The following TENT5A variants were observed in gnomAD, a reference collection of about 807,000 sequenced individuals.
TENT5A encodes the protein terminal nucleotidyltransferase 5A, also known as HBV X-transactivated gene 11 protein.
A neutral mutation model predicts 30.2 loss-of-function variants in TENT5A; 9 were observed. The observed-to-expected ratio is 0.30, with a 90% confidence interval of 0.18 to 0.52. The LOEUF (loss-of-function observed/expected upper bound fraction) is 0.52, where lower values mean the gene tolerates loss of function less well. Among genes scored for constraint, TENT5A ranks in the 20% least tolerant of loss-of-function variants. The probability of loss-of-function intolerance (pLI) is 0.97; values close to 1 mark genes in which losing one functional copy is unlikely to be tolerated. For synonymous variants in TENT5A, 264 were observed against 234.2 expected (o/e 1.13, Z -1.16); for missense variants, 411 against 566.1 (o/e 0.73, Z 2.78).
chr6:81,748,411 C>T lies in TENT5A; in HGVS notation c.*1284G>A, dbSNP rs1320935504. On this transcript the variant is annotated 3_prime_UTR_variant, in exon 3 of 3. Coordinates refer to ENST00000320172, the MANE Select transcript of TENT5A (RefSeq NM_017633.3). The stretch of plus-strand genomic sequence containing the variant: ...GAAAAAAAAAAAAAGAAAAAAAAAT[C>T]CCACTAAAACAGTATAATTTCTGCT... 2 of 976,258 alleles carry T rather than the reference C, an allele frequency of 2.0e-6. No individual in the cohort carries two copies. Among genetic ancestry groups the T allele is most frequent in the Non-Finnish European group, 2.4e-6 (2 of 822,854 alleles). 60.5% of individuals were successfully genotyped at this position (976,258 alleles called of 1,614,324 possible). A position where few individuals can be genotyped will look rare whatever the true frequency, so the allele number is the denominator to read the frequency against.
chr6:81,752,360 C>T (rs928404644), intron 1 of TENT5A, 71 bp downstream of exon 1: 96 of 1,549,544 alleles, frequency 6.2e-5, no homozygotes, highest in Admixed American at 2.9e-4. Context: ...CCGCGCCCCG[C>T]AGAGCAGCCC....
rs1768870742 is a variant in TENT5A, at chr6:81,745,770, A to C, written c.*3925T>G. ...AACTTTTTTATTTACAAAAAAATCCAAATATTGGATGCTGTAAACAAAATT... is the reference window on the plus strand; with the variant it reads ...AACTTTTTTATTTACAAAAAAATCCCAATATTGGATGCTGTAAACAAAATT... On this transcript the variant is annotated 3_prime_UTR_variant, in exon 3 of 3. Transcript: ENST00000320172. 13 of 985,522 alleles carry C rather than the reference A, an allele frequency of 1.3e-5. No individual in the cohort carries two copies. The highest frequency in any genetic ancestry group is 1.6e-5 in the Non-Finnish European group (13 of 829,596). 61.0% of individuals were successfully genotyped at this position (985,522 alleles called of 1,614,324 possible). A position where few individuals can be genotyped will look rare whatever the true frequency, so the allele number is the denominator to read the frequency against.
In TENT5A at chr6:81,751,959, C is replaced by G; in HGVS notation, c.183G>C (p.Ala61=). The part of the protein sequence containing the change: ...HCLDYCESPT[A]HCNVLNWEQV... ...GCTCCCAGTTCAGCACATTGCAGTG[C>G]GCCGTAGGGCTTTCGCAATAGTCCA... The change falls in exon 2 of 3, where the codon GCG becomes GCC. Residue 61 remains alanine (A), a synonymous_variant. Coordinates refer to ENST00000320172, the MANE Select transcript of TENT5A (RefSeq NM_017633.3). The G allele has an allele frequency of 6.3e-7, 1 of 1,599,788 alleles. No individual in the cohort carries two copies.
Position 81,750,501 on chromosome 6 carries a change from C to T in TENT5A, c.553-30G>A. On this transcript the variant is annotated intron_variant, in intron 2 of 2. Transcript: ENST00000320172. The surrounding 1 kb of genome is among the most constrained non-coding windows in gnomAD (Gnocchi z 4.2). ...AATTTAAAAGATAAAACAAAATGAG[C>T]AAACCTAGAAAATAATAAATCAATA... The T allele has an allele frequency of 1.6e-6, 2 of 1,287,658 alleles. No homozygotes were observed. The highest frequency in any genetic ancestry group is 1.5e-5 in the South Asian group (1 of 66,672). The allele number at this position is 1,287,658 out of a possible 1,614,324, so 79.8% of individuals were successfully genotyped here.
rs1187611948 is a variant in TENT5A at position 81,751,762 on chromosome 6, T to C, written c.380A>G (p.His127Arg). ...CAGGCCGCTGTCCTGGTGCAGGACA[T>C]GGCTGGCTGCCGAGCCGTTGAGGCG... ...DVRLNGSAASHVLHQDSGLGY... is the reference protein window; with the variant it reads ...DVRLNGSAASRVLHQDSGLGY... The change falls in exon 2 of 3, where the codon CAT (histidine) becomes CGT (arginine). Residue 127 changes from histidine to arginine, a missense_variant. By Grantham distance (29) the His-to-Arg change is conservative (BLOSUM62 0). Transcript: ENST00000320172. 1 of 1,612,288 alleles carries C rather than the reference T, an allele frequency of 6.2e-7. No individual in the cohort carries two copies. Among genetic ancestry groups the C allele is most frequent in the East Asian group, 2.2e-5 (1 of 44,856 alleles).
In TENT5A at chr6:81,752,200, C is replaced by CGCGGTGAGGACGCGCGGCG. The variant is rs1411033545; in HGVS notation, c.-37-41_-37-23dup. 11 of 1,478,802 alleles carry CGCGGTGAGGACGCGCGGCG rather than the reference C, an allele frequency of 7.4e-6. No individual in the cohort carries two copies. In the East Asian group the frequency reaches 1.5e-4, roughly 20 times the overall value. 91.6% of individuals were successfully genotyped at this position (1,478,802 alleles called of 1,614,324 possible). On this transcript the variant is annotated intron_variant, in intron 1 of 2. Transcript: ENST00000320172. ...AGTCCTAAAAAGAAAGGGAAAGGAG[C>CGCGGTGAGGACGCGCGGCG]GCGGTGAGGACGCGCGGCGGCGGAG...
At position 81,752,515 on chromosome 6, in the gene TENT5A, T is replaced by G; in HGVS notation, c.-122A>C. On this transcript the variant is annotated 5_prime_UTR_variant, in exon 1 of 3. Coordinates refer to ENST00000320172, the MANE Select transcript of TENT5A (RefSeq NM_017633.3). ...ACACTTCCAGGAGCTGCGAGCGCGCTCAGACAGCAAATAGCGACTTCGTCT... is the reference window on the plus strand; with the variant it reads ...ACACTTCCAGGAGCTGCGAGCGCGCGCAGACAGCAAATAGCGACTTCGTCT... 2 of 1,410,314 alleles carry G rather than the reference T, an allele frequency of 1.4e-6. No homozygotes were observed. Among genetic ancestry groups the G allele is most frequent in the Non-Finnish European group, 9.8e-7 (1 of 1,019,774 alleles). The allele number at this position is 1,410,314 out of a possible 1,614,324, so 87.4% of individuals were successfully genotyped here. A position where few individuals can be genotyped will look rare whatever the true frequency, so the allele number is the denominator to read the frequency against.
rs954682722 is a variant in TENT5A, at chr6:81,747,268, G to C, written c.*2427C>G. 1.0e-6 allele frequency: 1 copy of C among 985,604 alleles called. No homozygotes were observed. Among genetic ancestry groups the C allele is most frequent in the African/African-American group, 1.7e-5 (1 of 57,224 alleles). The allele number at this position is 985,604 out of a possible 1,614,324, so 61.1% of individuals were successfully genotyped here. A position where few individuals can be genotyped will look rare whatever the true frequency, so the allele number is the denominator to read the frequency against. Reference sequence around the variant, plus strand: ...AAAACTTTGAAACAACTAAGCAGGCGGAGCTCTGGTTTCTGATAGGTGAGT... The same window carrying C: ...AAAACTTTGAAACAACTAAGCAGGCCGAGCTCTGGTTTCTGATAGGTGAGT... On this transcript the variant is annotated 3_prime_UTR_variant, in exon 3 of 3. Transcript: ENST00000320172.
chr6:81,749,798 G>C lies in TENT5A; in HGVS notation c.1226C>G (p.Pro409Arg). 2 of 1,613,986 alleles carry C rather than the reference G, an allele frequency of 1.2e-6. No individual in the cohort carries two copies. Among genetic ancestry groups the C allele is most frequent in the Non-Finnish European group, 8.5e-7 (1 of 1,179,984 alleles). The change falls in exon 3 of 3, where the codon CCC (proline) becomes CGC (arginine). Residue 409 changes from proline to arginine, a missense_variant. Transcript: ENST00000320172. ...ANVTCYYQPA[P>R]YVADANFSNY... The stretch of plus-strand genomic sequence containing the variant: ...GCTAAAGTTGGCATCTGCTACATAG[G>C]GGGCTGGCTGGTAATAGCAAGTGAC...
At position 81,751,572 on chromosome 6, in the gene TENT5A, C is replaced by T; in HGVS notation, c.552+18G>A. 1.3e-6 allele frequency: 2 copies of T among 1,582,004 alleles called. No individual in the cohort carries two copies. The highest frequency in any genetic ancestry group is 1.7e-6 in the Non-Finnish European group (2 of 1,161,320). On this transcript the variant is annotated intron_variant, in intron 2 of 2. Coordinates refer to ENST00000320172, the MANE Select transcript of TENT5A (RefSeq NM_017633.3). ...CCCAGACTGGGTCAGGACCCAAGTG[C>T]ATCTCGGGTGGTGTTACCTTGAGCG...
At position 81,747,778 on chromosome 6, in the gene TENT5A, T is replaced by G. The variant is rs1257874000; in HGVS notation, c.*1917A>C. On this transcript the variant is annotated 3_prime_UTR_variant, in exon 3 of 3. Transcript: ENST00000320172. ...TCTTATGTGTTAGTTTTGTTTTGTT[T>G]TTAACAAATGCATTTTCAGAGACCA... is the stretch of plus-strand genomic sequence containing the variant. 5.1e-6 allele frequency: 5 copies of G among 984,838 alleles called. No individual in the cohort carries two copies. Among genetic ancestry groups the G allele is most frequent in the Non-Finnish European group, 6.0e-6 (5 of 829,936 alleles). 61.0% of individuals were successfully genotyped at this position (984,838 alleles called of 1,614,324 possible).
At position 81,748,928 on chromosome 6, in the gene TENT5A, T is replaced by G; in HGVS notation, c.*767A>C. The stretch of plus-strand genomic sequence containing the variant: ...TATAATCTCTCTTCATATAGTCTAC[T>G]ATATCTCTTCTAATTGGGTATTTTT... On this transcript the variant is annotated 3_prime_UTR_variant, in exon 3 of 3. Coordinates refer to ENST00000320172, the MANE Select transcript of TENT5A (RefSeq NM_017633.3). The G allele has an allele frequency of 1.0e-6, 1 of 984,564 alleles. No individual in the cohort carries two copies. Among genetic ancestry groups the G allele is most frequent in the Non-Finnish European group, 1.2e-6 (1 of 828,756 alleles). 61.0% of individuals were successfully genotyped at this position (984,564 alleles called of 1,614,324 possible).
rs1322155053 is a variant in TENT5A, at chr6:81,747,498, G to C, written c.*2197C>G. On this transcript the variant is annotated 3_prime_UTR_variant, in exon 3 of 3. Transcript: ENST00000320172. ...GCAAACCCATCAGGTTCCCATTAAGGCTTCAAAGAAAGATGCACAAAAGGT... is the reference window on the plus strand; with the variant it reads ...GCAAACCCATCAGGTTCCCATTAAGCCTTCAAAGAAAGATGCACAAAAGGT... The C allele has an allele frequency of 1.0e-6, 1 of 985,806 alleles. No homozygotes were observed. The highest frequency in any genetic ancestry group is 1.2e-6 in the Non-Finnish European group (1 of 829,940). The allele number at this position is 985,806 out of a possible 1,614,324, so 61.1% of individuals were successfully genotyped here.
In TENT5A at chr6:81,746,591, C is replaced by T. The variant is rs866450667; in HGVS notation, c.*3104G>A. The stretch of plus-strand genomic sequence containing the variant: ...TGGATTTACTGCAAATTAAGTAAAC[C>T]TTTAAAAACGGCATTGTCACAGGCT... On this transcript the variant is annotated 3_prime_UTR_variant, in exon 3 of 3. Coordinates refer to ENST00000320172, the MANE Select transcript of TENT5A (RefSeq NM_017633.3). The T allele has an allele frequency of 4.9e-6, 6 of 1,231,886 alleles. No individual in the cohort carries two copies. In the African/African-American group the frequency reaches 6.2e-5, roughly 13 times the overall value. 76.3% of individuals were successfully genotyped at this position (1,231,886 alleles called of 1,614,324 possible).
intron 1 of TENT5A, 82 bp downstream of exon 1, chr6:81,752,349 A>G (rs775376680): frequency 1.4e-5 from 21 of 1,486,340 alleles, no homozygotes; most frequent in South Asian, 2.5e-5. Flanking sequence ...CCAGCCGCGC[A>G]CCGCGCCCCG....
intron 1 of TENT5A, 104 bp from the exon 2 acceptor site, chr6:81,752,282 G>A (rs977432874): frequency 2.7e-6 from 4 of 1,502,632 alleles, no homozygotes; most frequent in Admixed American, 4.8e-5. Context: ...CCCCTCCCCC[G>A]ATAGTTCCCT....
Position 81,752,226 on chromosome 6 carries a change from AGCACGCGCGGCGGCGGAG to A in TENT5A, c.-37-66_-37-49del, listed in dbSNP as rs1769061154. 2.4e-6 allele frequency: 3 copies of A among 1,254,674 alleles called. No individual in the cohort carries two copies. The African/African-American group carries it at 6.5e-5, about 27-fold the overall frequency. The allele number at this position is 1,254,674 out of a possible 1,614,324, so 77.7% of individuals were successfully genotyped here. A position where few individuals can be genotyped will look rare whatever the true frequency, so the allele number is the denominator to read the frequency against. ...GCGGTGAGGACGCGCGGCGGCGGAG[AGCACGCGCGGCGGCGGAG>A]AGCAGAGGCCCGCCAGGAAAAGAGC... On this transcript the variant is annotated intron_variant, in intron 1 of 2. Transcript: ENST00000320172.
At position 81,752,654 on chromosome 6, in the gene TENT5A, C is replaced by A. The variant is rs921563191; in HGVS notation, c.-261G>T. 4 of 718,088 alleles carry A rather than the reference C, an allele frequency of 5.6e-6. No homozygotes were observed. The highest frequency in any genetic ancestry group is 5.2e-6 in the Non-Finnish European group (2 of 385,720). 44.5% of individuals were successfully genotyped at this position (718,088 alleles called of 1,614,324 possible). On this transcript the variant is annotated 5_prime_UTR_variant, in exon 1 of 3. Coordinates refer to ENST00000320172, the MANE Select transcript of TENT5A (RefSeq NM_017633.3). ...GGCGGCTCTTGCTGCCACACACGCT[C>A]GTGTCTCTGGAGCTTTAGCAGTTGT... is the stretch of plus-strand genomic sequence containing the variant.
chr6:81,749,795 T>C lies in TENT5A; in HGVS notation c.1229A>G (p.Tyr410Cys). Residue 410 changes from tyrosine (Y) to cysteine (C), a missense_variant, in exon 3 of 3, where the codon TAT becomes TGT. Physicochemically the swap from Tyr to Cys is radical, Grantham distance 194. Coordinates refer to ENST00000320172, the MANE Select transcript of TENT5A (RefSeq NM_017633.3). ...NVTCYYQPAP[Y>C]VADANFSNYY... ...ATTGCTAAAGTTGGCATCTGCTACA[T>C]AGGGGGCTGGCTGGTAATAGCAAGT... 6.2e-7 allele frequency: 1 copy of C among 1,614,092 alleles called. No homozygotes were observed. Among genetic ancestry groups the C allele is most frequent in the Non-Finnish European group, 8.5e-7 (1 of 1,180,002 alleles).
Sources: gnomAD v4.1 joint callset for allele counts on GRCh38, gnomAD v4.1.1 for gene constraint, Gnocchi (gnomAD v3.1) non-coding constraint, MANE v1.5 for transcripts, NCBI Gene and HGNC (gene_info 2026-07-23, HGNC 2026-07-21) for gene names.